The following MAPK10 variants were observed in gnomAD, a reference collection of about 807,000 sequenced individuals.
MAPK10 encodes the protein mitogen-activated protein kinase 10.
In MAPK10, 25 loss-of-function variants were observed where a neutral mutation model predicts 59.3. The observed-to-expected ratio is 0.42, with a 90% CI of 0.31 to 0.59. MAPK10 has a LOEUF of 0.59. Ranked by LOEUF, MAPK10 falls within the 20% of genes least tolerant of loss-of-function variation. The pLI, the probability that MAPK10 is intolerant of heterozygous loss-of-function variation, is 0.15. For synonymous variants in MAPK10, 190 were observed against 200.5 expected (o/e 0.95, Z 0.44); for missense variants, 351 against 568.9 (o/e 0.62, Z 3.90).
chr4:86,175,594 C>A lies in MAPK10; in HGVS notation c.67-16127G>T, dbSNP rs140528376. On this transcript the variant is annotated intron_variant, in intron 3 of 13. Transcript: ENST00000641462. ...GTGACACCTCCCTCCTCTCTCTCTTCCTCCTGCTCCTGCCATGTAAGACGT... is the reference window on the plus strand; with the variant it reads ...GTGACACCTCCCTCCTCTCTCTCTTACTCCTGCTCCTGCCATGTAAGACGT... Among the ~76,000 whole-genome samples the A allele has an allele frequency of 5.1e-4, 78 of 152,174 alleles. 2 individuals carry two copies. In the East Asian group the frequency reaches 0.014, roughly 27 times the overall value.
chr4:86,554,417 G>T (rs960771862), intron 1 of MAPK10, among the ~76,000 whole-genome samples: 3 of 152,062 alleles, frequency 2.0e-5, no homozygotes, highest in Admixed American at 6.6e-5. Flanking sequence ...TTTTAAAAAA[G>T]AAGACTGGAG....
chr4:86,453,595 G>A (rs1463984150), upstream of MAPK10, among the ~76,000 whole-genome samples: 1 of 17,184 alleles, frequency 5.8e-5, no homozygotes, highest in Non-Finnish European at 1.2e-4. Context: ...CCCCACCACA[G>A]CAGCCACAGC....
chr4:86,376,860 T>C (rs367625253), intron 1 of MAPK10, among the ~76,000 whole-genome samples: 112 of 152,286 alleles, frequency 7.4e-4, no homozygotes, highest in Non-Finnish European at 1.3e-3. Flanking sequence ...ATGAAACCAC[T>C]AAAGAGAAAT....
chr4:86,222,083 T>C (rs1183050986), intron 2 of MAPK10, among the ~76,000 whole-genome samples: 2 of 152,166 alleles, frequency 1.3e-5, no homozygotes, highest in African/African-American at 4.8e-5. Context: ...CCCCTTCACC[T>C]TCTGCCATGA....
intron 1 of MAPK10, among the ~76,000 whole-genome samples, chr4:86,519,431 A>G (rs930803631): frequency 6.6e-6 from 1 of 152,136 alleles, no homozygotes; most frequent in Admixed American, 6.5e-5. Context: ...TTTGTCTAAT[A>G]ATAGCTACTC....
intron 11 of MAPK10, among the ~76,000 whole-genome samples, chr4:86,038,262 T>A (rs2040763315): frequency 6.6e-6 from 1 of 152,210 alleles, no homozygotes; most frequent in African/African-American, 2.4e-5. Flanking sequence ...TGCTGCCTTG[T>A]TTAAAATGTC....
chr4:86,583,385 A>G (rs1762439629), intron 1 of MAPK10, among the ~76,000 whole-genome samples: 1 of 152,070 alleles, frequency 6.6e-6, no homozygotes. Flanking sequence ...AAAGCTATGT[A>G]CTTGCTTCCT....
At chr4:86,091,072 G>A (rs1403308128) in intron 9 of MAPK10, 1 of 151,962 alleles carries the variant, frequency 6.6e-6, no homozygotes, top group Non-Finnish European at 1.5e-5. Flanking sequence ...TATTTATTAT[G>A]TAGAGTTTTA....
chr4:86,346,901 T>C (rs911252211), intron 2 of MAPK10, among the ~76,000 whole-genome samples: 4 of 151,908 alleles, frequency 2.6e-5, no homozygotes, highest in African/African-American at 9.7e-5. Context: ...CTCATGTGTG[T>C]GCACACACAC....
chr4:86,588,318 A>G (rs112497047), intron 1 of MAPK10, among the ~76,000 whole-genome samples: 7,099 of 152,298 alleles, frequency 0.047, 224 homozygotes, highest in African/African-American at 0.061. Flanking sequence ...GCAGCAATAA[A>G]TGATGTGGAT....
chr4:86,274,453 T>C (rs2094516870), intron 2 of MAPK10, among the ~76,000 whole-genome samples: 1 of 151,926 alleles, frequency 6.6e-6, no homozygotes, highest in African/African-American at 2.4e-5. Flanking sequence ...TAATCTTTTT[T>C]TTTCCTATTC....
intron 4 of MAPK10, among the ~76,000 whole-genome samples, chr4:86,158,038 C>T (rs867060305): frequency 1.1e-4 from 17 of 151,836 alleles, no homozygotes; most frequent in African/African-American, 4.1e-4. Context: ...CTTTTTCTCC[C>T]GCCACTGGTA....
chr4:86,446,840 ACTT>A (rs1320236059), intron 1 of MAPK10, among the ~76,000 whole-genome samples: 10 of 151,934 alleles, frequency 6.6e-5, no homozygotes, highest in African/African-American at 1.2e-4. Context: ...CTTCTCCTGA[ACTT>A]CTTCTTCTTT....
intron 1 of MAPK10, among the ~76,000 whole-genome samples, chr4:86,552,834 ATTAAGGTT>A (rs1477520522): frequency 2.6e-5 from 4 of 152,146 alleles, no homozygotes; most frequent in Non-Finnish European, 5.9e-5. Flanking sequence ...CCGATAATTT[ATTAAGGTT>A]TCCTATGCTC....
At chr4:86,031,222 T>C in intron 12 of MAPK10, 146 bp downstream of exon 12, 1 of 623,198 alleles carries the variant, frequency 1.6e-6, no homozygotes, top group Non-Finnish European at 2.8e-6. Context: ...AAAAGACAGA[T>C]GAAGTTTTAG....
At chr4:86,298,342 T>A (rs1424664949) in intron 2 of MAPK10, among the ~76,000 whole-genome samples, 1 of 152,200 alleles carries the variant, frequency 6.6e-6, no homozygotes, top group Admixed American at 6.5e-5. Context: ...ATTAAAAATA[T>A]ATATAAGAAT....
chr4:86,056,584 GA>G (rs2044584841), intron 11 of MAPK10, among the ~76,000 whole-genome samples: 1 of 149,846 alleles, frequency 6.7e-6, no homozygotes, highest in Non-Finnish European at 1.5e-5. Flanking sequence ...AGATTTAATA[GA>G]GCAAGTAACA....
At chr4:86,100,873 T>C in intron 8 of MAPK10, 179 bp downstream of exon 8, 1 of 528,802 alleles carries the variant, frequency 1.9e-6, no homozygotes, top group Non-Finnish European at 3.3e-6. Flanking sequence ...CTCAATAACA[T>C]CCTTCACATT....
At chr4:86,272,654 C>A (rs2094467482) in intron 2 of MAPK10, among the ~76,000 whole-genome samples, 1 of 151,896 alleles carries the variant, frequency 6.6e-6, no homozygotes, top group African/African-American at 2.4e-5. Context: ...ATTGTTGTTG[C>A]TTAATGTAAC....
Sources: allele counts gnomAD v4.1 joint callset (sites outside exome capture counted in the v4.1 genomes callset), GRCh38; gene constraint gnomAD v4.1.1; transcripts MANE v1.5; gene names NCBI Gene and HGNC (gene_info 2026-07-23, HGNC 2026-07-21).